CAMKK1: variants seen among roughly 807,000 people sequenced by gnomAD.
The protein encoded by CAMKK1 is calcium/calmodulin-dependent protein kinase kinase 1.
Under a neutral mutation model 63.5 loss-of-function variants are expected in CAMKK1, and 20 were observed. The ratio of observed to expected loss-of-function variants is 0.32; its 90% CI spans 0.22 to 0.46. CAMKK1 has a LOEUF of 0.46. Ranked by LOEUF, CAMKK1 falls within the 20% of genes least tolerant of loss-of-function variation. The pLI, the probability that CAMKK1 is intolerant of heterozygous loss-of-function variation, is 1.00. For synonymous variants in CAMKK1, 253 were observed against 269.0 expected (o/e 0.94, Z 0.58); for missense variants, 588 against 658.1 (o/e 0.89, Z 1.17).
intron 12 of CAMKK1, among the ~76,000 whole-genome samples, chr17:3,871,674 C>G (rs1258596053): frequency 2.3e-4 from 32 of 137,742 alleles, no homozygotes; most frequent in Admixed American, 2.3e-3. Flanking sequence ...TTTCTTTCTT[C>G]TGTTTTTTTT....
Position 3,881,648 on chromosome 17 carries a change from A to G in CAMKK1, c.686T>C (p.Val229Ala), listed in dbSNP as rs1290607382. ...TCACCCCTTTCTCAGGAGGTCAAAC[A>G]CTGAAAGAAAAGACAAGAAGGTAAG... ...DDPAEDNLYL[V>A]FDLLRKGPVM... is the part of the protein sequence containing the mutation. The change falls in exon 8 of 16, where the codon GTG becomes GCG. Residue 229 changes from valine to alanine, a missense_variant and splice_region_variant. Around this residue, in one of 3 missense-constraint regions of CAMKK1, gnomAD observed 357 missense variants for 407.4 expected, o/e 0.88. Transcript: ENST00000348335. 2 of 1,566,670 alleles carry G rather than the reference A, an allele frequency of 1.3e-6. No homozygotes were observed.
Position 3,865,163 on chromosome 17 carries a change from TC to T in CAMKK1, c.1445+744del, listed in dbSNP as rs1202138596. 4.1e-6 allele frequency: 4 copies of T among 985,578 alleles called. No homozygotes were observed. In the African/African-American group the frequency reaches 7.0e-5, roughly 17 times the overall value. 61.1% of individuals were successfully genotyped at this position (985,578 alleles called of 1,614,324 possible). A position where few individuals can be genotyped will look rare whatever the true frequency, so the allele number is the denominator to read the frequency against. Reference sequence around the variant, plus strand: ...AACTCCAGCACAGGCCTTATTAGCATCCCAGACTGGCTTTTATTATAGTGAA... The same window carrying T: ...AACTCCAGCACAGGCCTTATTAGCATCCAGACTGGCTTTTATTATAGTGAA... On this transcript the variant is annotated intron_variant, in intron 15 of 15. Transcript: ENST00000348335.
intron 10 of CAMKK1, among the ~76,000 whole-genome samples, chr17:3,874,754 C>G (rs1193988023): frequency 1.3e-5 from 2 of 152,198 alleles, no homozygotes; most frequent in Admixed American, 1.3e-4. Context: ...GGTGATCCAC[C>G]TACCTTGGCC....
Position 3,883,173 on chromosome 17 carries a change from G to A in CAMKK1, c.517C>T (p.Arg173Cys). 3 of 1,609,662 alleles carry A rather than the reference G, an allele frequency of 1.9e-6. No individual in the cohort carries two copies. Among genetic ancestry groups the A allele is most frequent in the South Asian group, 1.1e-5 (1 of 91,062 alleles). The change falls in exon 6 of 16, where the codon CGC becomes TGC. Residue 173 changes from arginine (R) to cysteine (C), a missense_variant and splice_region_variant. By Grantham distance (180) the Arg-to-Cys change is radical. Around this residue, in one of 3 missense-constraint regions of CAMKK1, gnomAD observed 357 missense variants for 407.4 expected, o/e 0.88. Coordinates refer to ENST00000348335, the MANE Select transcript of CAMKK1 (RefSeq NM_032294.3). This position sits in a 1 kb window ranked among gnomAD's most constrained non-coding sequence, Gnocchi z 4.7. ...GCCTGGGACCCTCTCGGGGGAGGGC[G>A]ACCTGTGACCAGGAAGAGAACTCAA... is the stretch of plus-strand genomic sequence containing the variant. ...KLLKQYGFPRRPPPRGSQAAQ... is the reference protein window; with the variant it reads ...KLLKQYGFPRCPPPRGSQAAQ...
At chr17:3,868,454 G>C (rs1201104530) in intron 14 of CAMKK1, among the ~76,000 whole-genome samples, 1 of 150,410 alleles carries the variant, frequency 6.6e-6, no homozygotes, top group Non-Finnish European at 1.5e-5. Context: ...TGGGCTCTGG[G>C]GGAGACGCAG....
chr17:3,872,539 G>A lies in CAMKK1; in HGVS notation c.1124+15C>T. 1 of 1,609,780 alleles carries A rather than the reference G, an allele frequency of 6.2e-7. No individual in the cohort carries two copies. Among genetic ancestry groups the A allele is most frequent in the Non-Finnish European group, 8.5e-7 (1 of 1,176,070 alleles). On this transcript the variant is annotated intron_variant, in intron 12 of 15. Transcript: ENST00000348335. Reference sequence around the variant, plus strand: ...CGGGTGGTAGCCCCCTTGTTCCCCTGGGTGGACAACTCACTCCTCAGGAAA... The same window carrying A: ...CGGGTGGTAGCCCCCTTGTTCCCCTAGGTGGACAACTCACTCCTCAGGAAA...
chr17:3,866,024 A>C lies in CAMKK1; in HGVS notation c.1342-13T>G. 3 of 1,613,006 alleles carry C rather than the reference A, an allele frequency of 1.9e-6. No individual in the cohort carries two copies. The highest frequency in any genetic ancestry group is 2.5e-6 in the Non-Finnish European group (3 of 1,179,550). On this transcript the variant is annotated splice_polypyrimidine_tract_variant and intron_variant, in intron 14 of 15. Transcript: ENST00000348335. ...ACTTCACCAGGATCTGAGGAGGACA[A>C]GGCAGCGTGAGGAGCACAGGTCCCA...
chr17:3,882,551 G>A lies in CAMKK1; in HGVS notation c.662C>T (p.Pro221Leu). 1.9e-6 allele frequency: 3 copies of A among 1,593,946 alleles called. No individual in the cohort carries two copies. Among genetic ancestry groups the A allele is most frequent in the Non-Finnish European group, 2.6e-6 (3 of 1,169,816 alleles). Residue 221 changes from proline (P) to leucine (L), a missense_variant, in exon 7 of 16, where the codon CCA becomes CTA. By Grantham distance (98) the Pro-to-Leu change is moderately conservative. Coordinates refer to ENST00000348335, the MANE Select transcript of CAMKK1 (RefSeq NM_032294.3). The surrounding 1 kb of genome is among the most constrained non-coding windows in gnomAD (Gnocchi z 4.3). ...VVKLIEVLDD[P>L]AEDNLYLVFD... ...ACCCAAATAGAGGTTGTCCTCAGCT[G>A]GGTCATCCAGGACCTGGTCAGAGGG... is the stretch of plus-strand genomic sequence containing the variant.
At chr17:3,880,207 G>T in intron 9 of CAMKK1, 139 bp downstream of exon 9, 1 of 707,068 alleles carries the variant, frequency 1.4e-6, no homozygotes, top group Non-Finnish European at 2.4e-6. Flanking sequence ...CGCCACACGT[G>T]CATGCCCCAC....
In CAMKK1 at chr17:3,890,695, T is replaced by A; in HGVS notation, c.-44+2244A>T. On this transcript the variant is annotated intron_variant, in intron 1 of 15. Transcript: ENST00000348335. This position sits in a 1 kb window ranked among gnomAD's most constrained non-coding sequence, Gnocchi z 6.5. ...GCTCCCCACAACCCCACACTTACTCTCCACTGCAGCCACACCACAGCTTCC... is the reference window on the plus strand; with the variant it reads ...GCTCCCCACAACCCCACACTTACTCACCACTGCAGCCACACCACAGCTTCC... 1 of 779,626 alleles carries A rather than the reference T, an allele frequency of 1.3e-6. No individual in the cohort carries two copies. 48.3% of individuals were successfully genotyped at this position (779,626 alleles called of 1,614,324 possible).
chr17:3,864,087 G>C (rs1031865731), intron 15 of CAMKK1, among the ~76,000 whole-genome samples: 1 of 151,462 alleles, frequency 6.6e-6, no homozygotes, highest in Non-Finnish European at 1.5e-5. Context: ...TGAGTTGCTG[G>C]GACTACAGGC....
At position 3,881,172 on chromosome 17, in the gene CAMKK1, A is replaced by G. The variant is rs534976774; in HGVS notation, c.707+455T>C. Among the ~76,000 whole-genome samples, 10 of 152,308 alleles carry G rather than the reference A, an allele frequency of 6.6e-5. No homozygotes were observed. In the South Asian group the frequency reaches 1.9e-3, roughly 28 times the overall value. On this transcript the variant is annotated intron_variant, in intron 8 of 15. Transcript: ENST00000348335. The stretch of plus-strand genomic sequence containing the variant: ...GGCTCCATCAGTGACTTGCTGTGTG[A>G]CCTTGAGCAAGCCACGTACCTTCTC...
chr17:3,892,786 G>T lies in CAMKK1; in HGVS notation c.-44+153C>A, dbSNP rs2055951376. Among the ~76,000 whole-genome samples the T allele has an allele frequency of 6.6e-6, 1 of 152,044 alleles. No individual in the cohort carries two copies. The highest frequency in any genetic ancestry group is 2.4e-5 in the African/African-American group (1 of 41,408). ...CCCCGCAGACCCGGCCCCGCAGACA[G>T]AAGGGGAAGGATCCCCGCCCTGACC... On this transcript the variant is annotated intron_variant, in intron 1 of 15. Coordinates refer to ENST00000348335, the MANE Select transcript of CAMKK1 (RefSeq NM_032294.3). The surrounding 1 kb of genome is among the most constrained non-coding windows in gnomAD (Gnocchi z 7.5).
At chr17:3,869,405 C>T (rs941955779) in intron 14 of CAMKK1, 82 bp downstream of exon 14, 35 of 1,568,452 alleles carry the variant, frequency 2.2e-5, no homozygotes, top group Non-Finnish European at 3.0e-5. Context: ...GGCCTCTGTC[C>T]CCCCAAGGAG....
Position 3,869,830 on chromosome 17 carries a change from C to T in CAMKK1, c.1183G>A (p.Glu395Lys), listed in dbSNP as rs1157776249. The T allele has an allele frequency of 6.2e-6, 10 of 1,614,260 alleles. No homozygotes were observed. Among genetic ancestry groups the T allele is most frequent in the Admixed American group, 3.3e-5 (2 of 60,026 alleles). Residue 395 changes from glutamate (E) to lysine (K), a missense_variant, in exon 13 of 16, where the codon GAG (glutamate) becomes AAG (lysine). Around this residue, in one of 3 missense-constraint regions of CAMKK1, gnomAD observed 226 missense variants for 229.2 expected, o/e 0.99. Transcript: ENST00000348335. ...LILKMLDKNP[E>K]TRIGVPDIKL... ...ATGTCTGGCACCCCAATTCTCGTCT[C>T]GGGATTCTTGTCTAACATCTTCAGG... is the stretch of plus-strand genomic sequence containing the variant.
chr17:3,875,234 A>G (rs2055093373), intron 10 of CAMKK1, among the ~76,000 whole-genome samples: 2 of 152,208 alleles, frequency 1.3e-5, no homozygotes, highest in South Asian at 4.1e-4. Context: ...CTTTTCTGTA[A>G]ATTTAGAATT....
chr17:3,864,714 C>A (rs370648068), intron 15 of CAMKK1, among the ~76,000 whole-genome samples: 5 of 152,328 alleles, frequency 3.3e-5, no homozygotes, highest in African/African-American at 1.2e-4. Flanking sequence ...AACCACCTCC[C>A]TGAAGAGATG....
At chr17:3,885,288 T>C (rs1567634875) in intron 2 of CAMKK1, 40 bp downstream of exon 2, 2 of 1,540,444 alleles carry the variant, frequency 1.3e-6, no homozygotes, top group Non-Finnish European at 1.8e-6. Context: ...TGCAGACTAC[T>C]GAGGGGCTCA....
At position 3,885,551 on chromosome 17, in the gene CAMKK1, G is replaced by C. The variant is rs780282099; in HGVS notation, c.137C>G (p.Pro46Arg). The C allele has an allele frequency of 4.3e-6, 7 of 1,613,878 alleles. No individual in the cohort carries two copies. In the South Asian group the frequency reaches 5.5e-5, roughly 13 times the overall value. Residue 46 changes from proline to arginine, a missense_variant, in exon 2 of 16, where the codon CCA becomes CGA. By Grantham distance (103) the Pro-to-Arg change is moderately radical. Coordinates refer to ENST00000348335, the MANE Select transcript of CAMKK1 (RefSeq NM_032294.3). ...GATCACAGAGGCAGCTCTGGCCCGT[G>C]GTGGGGGGTCCACACCGTTTCTAGT... ...EPTRNGVDPP[P>R]RARAASVIPG... is the part of the protein sequence containing the mutation.
Sources: gnomAD v4.1 joint callset for allele counts (sites outside exome capture counted in the v4.1 genomes callset) on GRCh38, gnomAD v4.1.1 for gene constraint, gnomAD v4.1.1 regional missense constraint, Gnocchi (gnomAD v3.1) non-coding constraint, MANE v1.5 for transcripts, NCBI Gene and HGNC (gene_info 2026-07-23, HGNC 2026-07-21) for gene names.